PLCB1: variants seen among roughly 807,000 people sequenced by gnomAD.
PLCB1 encodes the protein phospholipase C beta 1, also known as 1-phosphatidylinositol 4,5-bisphosphate phosphodiesterase beta-1.
PLCB1 carries 46 observed loss-of-function variants against 161.8 expected under a neutral mutation model. That is an observed-to-expected ratio of 0.28 (90% CI 0.22 to 0.36). The LOEUF is 0.36. Ranked by LOEUF, PLCB1 falls within the 10% of genes least tolerant of loss-of-function variation. The pLI, the probability that PLCB1 is intolerant of heterozygous loss-of-function variation, is 1.00. For missense variants in PLCB1, 1,016 were observed against 1,472.5 expected (o/e 0.69, Z 5.07); for synonymous variants, 517 against 503.7 (o/e 1.03, Z -0.35).
In PLCB1 at chr20:8,773,378, TTTCCTAC is replaced by T. The variant is rs1982788361; in HGVS notation, c.2931-1160_2931-1154del. On this transcript the variant is annotated intron_variant, in intron 26 of 31. Coordinates refer to ENST00000338037, the MANE Select transcript of PLCB1 (RefSeq NM_015192.4). ...CAATACTCTGTCTTTCTTTCCACTG[TTTCCTAC>T]AGGTGATAATACAGAGTACAAAATT... Among the ~76,000 whole-genome samples, 3 of 152,224 alleles carry T rather than the reference TTTCCTAC, an allele frequency of 2.0e-5. No homozygotes were observed. The South Asian group carries it at 6.2e-4, about 31-fold the overall frequency.
intron 27 of PLCB1, among the ~76,000 whole-genome samples, chr20:8,777,561 A>T (rs1600319053): frequency 6.6e-6 from 1 of 152,014 alleles, no homozygotes; most frequent in Admixed American, 6.6e-5. Context: ...TCTACTAAAA[A>T]TACAAAAATT....
intron 31 of PLCB1, among the ~76,000 whole-genome samples, chr20:8,872,519 A>G (rs1987641967): frequency 6.6e-6 from 1 of 152,188 alleles, no homozygotes. Context: ...GTTTGTCTAT[A>G]GGTGTCAGTC....
At chr20:8,494,401 T>A (rs557954599) in intron 3 of PLCB1, among the ~76,000 whole-genome samples, 1 of 152,336 alleles carries the variant, frequency 6.6e-6, no homozygotes, top group South Asian at 2.1e-4. Flanking sequence ...GTATTCGAGA[T>A]AAGATACGTT....
At chr20:8,286,717 A>G (rs191561530) in intron 2 of PLCB1, among the ~76,000 whole-genome samples, 13 of 152,286 alleles carry the variant, frequency 8.5e-5, no homozygotes, top group Admixed American at 5.9e-4. Flanking sequence ...GAATCTTTCT[A>G]AGCGCTGTCC....
intron 2 of PLCB1, among the ~76,000 whole-genome samples, chr20:8,366,042 A>G (rs753489373): frequency 2.0e-5 from 3 of 152,172 alleles, no homozygotes; most frequent in Non-Finnish European, 4.4e-5. Context: ...GCTAAATAGT[A>G]AACAACCAAG....
intron 4 of PLCB1, among the ~76,000 whole-genome samples, chr20:8,634,503 C>T (rs1275671388): frequency 6.6e-6 from 1 of 152,178 alleles, no homozygotes; most frequent in Non-Finnish European, 1.5e-5. Flanking sequence ...CTAGCTCTCA[C>T]ATCTCTTTCC....
intron 2 of PLCB1, among the ~76,000 whole-genome samples, chr20:8,211,301 C>T (rs545989571): frequency 1.5e-4 from 23 of 152,188 alleles, no homozygotes; most frequent in Admixed American, 1.3e-3. Context: ...AGCAGTGCCA[C>T]AGACATCTCA....
intron 14 of PLCB1, 88 bp downstream of exon 14, chr20:8,717,936 A>C (rs908691252): frequency 1.7e-6 from 2 of 1,162,178 alleles, no homozygotes; most frequent in Middle Eastern, 2.3e-4. Flanking sequence ...CATGCCTGTA[A>C]TACTACTACT....
intron 3 of PLCB1, among the ~76,000 whole-genome samples, chr20:8,395,941 C>T (rs55645468): frequency 0.018 from 2,702 of 152,012 alleles, 92 homozygotes; most frequent in African/African-American, 0.062. Flanking sequence ...CTAAATTATT[C>T]CTGGTAAATG....
intron 17 of PLCB1, 55 bp from the exon 18 acceptor site, chr20:8,728,995 T>A: frequency 1.6e-6 from 2 of 1,254,118 alleles, no homozygotes; most frequent in Non-Finnish European, 2.2e-6. Flanking sequence ...TCTTAGTTAC[T>A]ATTATTGACT....
intron 2 of PLCB1, among the ~76,000 whole-genome samples, chr20:8,206,906 A>G (rs906326321): frequency 1.3e-5 from 2 of 152,238 alleles, no homozygotes; most frequent in African/African-American, 4.8e-5. Context: ...GAATTATTGA[A>G]GTACCATGAG....
At chr20:8,865,280 T>G (rs1194845942) in intron 31 of PLCB1, among the ~76,000 whole-genome samples, 2 of 152,322 alleles carry the variant, frequency 1.3e-5, no homozygotes, top group East Asian at 3.9e-4. Context: ...GTACTCAAGA[T>G]TTATAGTTAG....
chr20:8,356,334 T>C (rs914804917), intron 2 of PLCB1, among the ~76,000 whole-genome samples: 1 of 152,168 alleles, frequency 6.6e-6, no homozygotes, highest in Non-Finnish European at 1.5e-5. Flanking sequence ...TTTGTTATAA[T>C]GCAGATTGCT....
intron 2 of PLCB1, among the ~76,000 whole-genome samples, chr20:8,363,507 C>G (rs1986608949): frequency 6.6e-6 from 1 of 152,174 alleles, no homozygotes; most frequent in Non-Finnish European, 1.5e-5. Flanking sequence ...TTTGAATGGC[C>G]TACCCAAGAT....
chr20:8,433,222 ATGTC>A (rs1980134961), intron 3 of PLCB1, among the ~76,000 whole-genome samples: 1 of 152,232 alleles, frequency 6.6e-6, no homozygotes. Flanking sequence ...AAAATTGAAA[ATGTC>A]TGGGAATTTA....
chr20:8,744,222 T>C (rs6039247), intron 23 of PLCB1, among the ~76,000 whole-genome samples: 35,635 of 152,034 alleles, frequency 0.23, 4,171 homozygotes, highest in Middle Eastern at 0.36. Context: ...AATTTTATTC[T>C]GTAAGAAATA....
chr20:8,803,982 G>A (rs1316441401), intron 31 of PLCB1, among the ~76,000 whole-genome samples: 1 of 151,962 alleles, frequency 6.6e-6, no homozygotes, highest in African/African-American at 2.4e-5. Flanking sequence ...TAGTAGAAAT[G>A]GGATTTCTCC....
In PLCB1 at chr20:8,777,346, G is replaced by C. The variant is rs1468030377; in HGVS notation, c.3111+2627G>C. Among the ~76,000 whole-genome samples the C allele has an allele frequency of 2.0e-5, 3 of 152,156 alleles. No individual in the cohort carries two copies. In the East Asian group the frequency reaches 5.8e-4, roughly 29 times the overall value. ...AGCCGTCCCAAAGTTCAGGCCAACAGCAGCCCAAGGGGTTAAGGAATCCTG... is the reference window on the plus strand; with the variant it reads ...AGCCGTCCCAAAGTTCAGGCCAACACCAGCCCAAGGGGTTAAGGAATCCTG... On this transcript the variant is annotated intron_variant, in intron 27 of 31. Coordinates refer to ENST00000338037, the MANE Select transcript of PLCB1 (RefSeq NM_015192.4).
intron 31 of PLCB1, among the ~76,000 whole-genome samples, chr20:8,795,799 C>T (rs1015215011): frequency 1.3e-5 from 2 of 149,728 alleles, no homozygotes; most frequent in Non-Finnish European, 3.0e-5. Flanking sequence ...CACTGGAACC[C>T]GGGAGGCGGA....
Sources: gnomAD v4.1 joint callset for allele counts (sites outside exome capture counted in the v4.1 genomes callset) on GRCh38, gnomAD v4.1.1 for gene constraint, MANE v1.5 for transcripts, NCBI Gene and HGNC (gene_info 2026-07-23, HGNC 2026-07-21) for gene names.